CDH4: variants seen among roughly 807,000 people sequenced by gnomAD.
CDH4 encodes cadherin 4, also known as cadherin-4.
A neutral mutation model predicts 86.0 loss-of-function variants in CDH4; 33 were observed. That is an observed-to-expected ratio of 0.38 (90% CI 0.29 to 0.51). The LOEUF (loss-of-function observed/expected upper bound fraction) is 0.51. Ranked by LOEUF, CDH4 falls within the 20% of genes least tolerant of loss-of-function variation. CDH4 has a pLI of 0.86. For missense variants in CDH4, 1,114 were observed against 1,307.4 expected, an observed-to-expected ratio of 0.85 and a Z score of 2.28; for synonymous variants, 555 against 549.4, an observed-to-expected ratio of 1.01 and a Z score of -0.14.
chr20:61,597,861 G>A (rs898461829), intron 2 of CDH4, among the ~76,000 whole-genome samples: 1 of 152,194 alleles, frequency 6.6e-6, no homozygotes, highest in Non-Finnish European at 1.5e-5. Context: ...GGCGTGGAGT[G>A]AGCCTCAGAG....
intron 4 of CDH4, among the ~76,000 whole-genome samples, chr20:61,820,647 C>T (rs1980970026): frequency 6.6e-6 from 1 of 152,218 alleles, no homozygotes; most frequent in South Asian, 2.1e-4. Flanking sequence ...GTGCCAGCAT[C>T]GCCGCCCCCC....
rs1318018237 is a variant in CDH4 at position 61,300,576 on chromosome 20, C to T, written c.169+45639C>T. On this transcript the variant is annotated intron_variant, in intron 2 of 15. Coordinates refer to ENST00000614565, the MANE Select transcript of CDH4 (RefSeq NM_001794.5). ...TTCCTCGCTGCTGTCTTCGCTTCTT[C>T]GGCCTGGCCTGCACTGGCCCTTTGG... Among the ~76,000 whole-genome samples, 5 of 152,284 alleles carry T rather than the reference C, an allele frequency of 3.3e-5. No individual in the cohort carries two copies. The South Asian group carries it at 8.3e-4, about 25-fold the overall frequency.
Position 61,508,169 on chromosome 20 carries a change from A to G in CDH4, c.170-235394A>G, listed in dbSNP as rs141248685. Among the ~76,000 whole-genome samples the G allele has an allele frequency of 6.1e-3, 936 of 152,348 alleles. 9 individuals are homozygous for G. The highest frequency in any genetic ancestry group is 0.022 in the African/African-American group (900 of 41,586). On this transcript the variant is annotated intron_variant, in intron 2 of 15. Coordinates refer to ENST00000614565, the MANE Select transcript of CDH4 (RefSeq NM_001794.5). ...ATCAGTCAGTGTGTAAATAAATGCC[A>G]CTTCAGAGACATTGCCGCCTCCTAA...
intron 2 of CDH4, among the ~76,000 whole-genome samples, chr20:61,356,864 T>G (rs973449969): frequency 5.3e-5 from 8 of 152,224 alleles, no homozygotes; most frequent in African/African-American, 1.9e-4. Flanking sequence ...CTGGACAGAT[T>G]TGAAAGATGT....
chr20:61,814,407 C>T (rs1980608400), intron 4 of CDH4, among the ~76,000 whole-genome samples: 1 of 152,176 alleles, frequency 6.6e-6, no homozygotes, highest in Admixed American at 6.5e-5. Context: ...GCAGATCTGC[C>T]CAGGAGCTTG....
rs747104004 is a variant in CDH4 at position 61,372,982 on chromosome 20, AT to A, written c.169+118054del. Among the ~76,000 whole-genome samples, 14 of 152,016 alleles carry A rather than the reference AT, an allele frequency of 9.2e-5. No homozygotes were observed. The East Asian group carries it at 1.2e-3, about 13-fold the overall frequency. On this transcript the variant is annotated intron_variant, in intron 2 of 15. Coordinates refer to ENST00000614565, the MANE Select transcript of CDH4 (RefSeq NM_001794.5). Reference sequence around the variant, plus strand: ...GCATGCATTTCACACGATACTTCAGATTTTTTTTTCATTTAGATGTTAACGC... The same window carrying A: ...GCATGCATTTCACACGATACTTCAGATTTTTTTTCATTTAGATGTTAACGC...
chr20:61,396,805 G>T (rs556824902), intron 2 of CDH4, among the ~76,000 whole-genome samples: 2 of 152,230 alleles, frequency 1.3e-5, no homozygotes, highest in Admixed American at 6.5e-5. Flanking sequence ...GATGCCGGGG[G>T]CTGGAAGCCC....
At chr20:61,537,406 A>G (rs1433157648) in intron 2 of CDH4, among the ~76,000 whole-genome samples, 2 of 152,214 alleles carry the variant, frequency 1.3e-5, no homozygotes, top group African/African-American at 2.4e-5. Context: ...CTGACTGAGC[A>G]CGTGGCCGGT....
intron 4 of CDH4, among the ~76,000 whole-genome samples, chr20:61,808,205 A>G (rs1274914341): frequency 6.6e-6 from 1 of 152,120 alleles, no homozygotes; most frequent in East Asian, 1.9e-4. Context: ...GCCCCACCCC[A>G]GCCCTGGGTT....
At chr20:61,723,877 A>ACAGGATGGAGGCTCCATGCGGCAGGTG (rs2088074298) in intron 2 of CDH4, among the ~76,000 whole-genome samples, 1 of 152,132 alleles carries the variant, frequency 6.6e-6, no homozygotes, top group African/African-American at 2.4e-5. Context: ...TCCATGCGGC[A>ACAGGATGGAGGCTCCATGCGGCAGGTG]GGTGGGGTGG....
intron 4 of CDH4, among the ~76,000 whole-genome samples, chr20:61,827,974 A>G (rs540488562): frequency 2.0e-5 from 3 of 152,304 alleles, no homozygotes; most frequent in African/African-American, 7.2e-5. Flanking sequence ...TAAGTAACCA[A>G]CTCATTATTT....
intron 2 of CDH4, among the ~76,000 whole-genome samples, chr20:61,678,367 T>C (rs550269420): frequency 6.6e-6 from 1 of 152,280 alleles, no homozygotes; most frequent in African/African-American, 2.4e-5. Context: ...CATGGGTATA[T>C]AGAAGTAGCT....
At chr20:61,457,082 A>G (rs1193005813) in intron 2 of CDH4, among the ~76,000 whole-genome samples, 2 of 152,202 alleles carry the variant, frequency 1.3e-5, no homozygotes, top group Non-Finnish European at 2.9e-5. Context: ...TGTTTACAGC[A>G]TCCACCTGAA....
At chr20:61,733,312 G>T (rs954393343) in intron 2 of CDH4, among the ~76,000 whole-genome samples, 1 of 152,116 alleles carries the variant, frequency 6.6e-6, no homozygotes, top group African/African-American at 2.4e-5. Flanking sequence ...CCACCAGGTT[G>T]GATCCCAGCT....
chr20:61,642,356 C>T (rs1007647487), intron 2 of CDH4, among the ~76,000 whole-genome samples: 1 of 151,822 alleles, frequency 6.6e-6, no homozygotes, highest in Non-Finnish European at 1.5e-5. Context: ...GGGGAACCAG[C>T]AGGTGGGTGG....
At chr20:61,862,871 A>C (rs1461904876) in intron 6 of CDH4, among the ~76,000 whole-genome samples, 2 of 152,232 alleles carry the variant, frequency 1.3e-5, no homozygotes, top group Non-Finnish European at 2.9e-5. Flanking sequence ...CTGCAAATGA[A>C]GTCAAAGAGA....
At chr20:61,441,850 TAAC>T (rs1485231823) in intron 2 of CDH4, among the ~76,000 whole-genome samples, 2 of 152,076 alleles carry the variant, frequency 1.3e-5, no homozygotes, top group East Asian at 1.9e-4. Context: ...GACAGGACCC[TAAC>T]AACAAGAAGA....
intron 2 of CDH4, among the ~76,000 whole-genome samples, chr20:61,312,137 G>A (rs1237866813): frequency 1.4e-5 from 2 of 145,242 alleles, no homozygotes; most frequent in South Asian, 2.2e-4. Context: ...TGGTGTGTGT[G>A]TGGTGTGTGC....
intron 2 of CDH4, among the ~76,000 whole-genome samples, chr20:61,491,991 G>C (rs1000317045): frequency 4.0e-5 from 6 of 151,758 alleles, no homozygotes; most frequent in Non-Finnish European, 8.8e-5. Flanking sequence ...TGTTGATGTT[G>C]GTGGTGTTGA....
Sources: allele counts gnomAD v4.1 joint callset (sites outside exome capture counted in the v4.1 genomes callset), GRCh38; gene constraint gnomAD v4.1.1; transcripts MANE v1.5; gene names NCBI Gene and HGNC (gene_info 2026-07-23, HGNC 2026-07-21).